The following TBC1D1 variants were observed in gnomAD, a reference collection of about 807,000 sequenced individuals.
The protein encoded by TBC1D1 is TBC1 domain family member 1, also known as TBC1 (tre-2/USP6, BUB2, cdc16) domain family, member 1.
A neutral mutation model predicts 125.6 loss-of-function variants in TBC1D1; 89 were observed. The ratio of observed to expected loss-of-function variants is 0.71; its 90% CI spans 0.60 to 0.85. The LOEUF (loss-of-function observed/expected upper bound fraction) is 0.85. Ranked by LOEUF, TBC1D1 falls within the 40% of genes least tolerant of loss-of-function variation. The pLI is 0.00. For missense variants in TBC1D1, 1,377 were observed against 1,469.2 expected (o/e 0.94, Z 1.03); for synonymous variants, 565 against 564.1 (o/e 1.00, Z -0.02).
intron 3 of TBC1D1, among the ~76,000 whole-genome samples, chr4:38,016,803 T>C (rs1742830493): frequency 6.6e-6 from 1 of 152,204 alleles, no homozygotes; most frequent in Admixed American, 6.5e-5. Flanking sequence ...CACAACTTTA[T>C]GGGTCTTGGT....
intron 2 of TBC1D1, among the ~76,000 whole-genome samples, chr4:37,991,080 G>A (rs564003584): frequency 4.6e-5 from 7 of 152,202 alleles, no homozygotes; most frequent in African/African-American, 1.4e-4. Context: ...GGGGGAAGGT[G>A]GTGAAGGCAG....
chr4:37,996,243 G>A (rs1394492543), intron 2 of TBC1D1: 2 of 277,586 alleles, frequency 7.2e-6, no homozygotes, highest in Non-Finnish European at 1.5e-5. Context: ...CTTCTGGCCA[G>A]TCGCCCGGGC....
At position 37,999,479 on chromosome 4, in the gene TBC1D1, C is replaced by T. The variant is rs1444645939; in HGVS notation, c.418-15030C>T. Among the ~76,000 whole-genome samples the T allele has an allele frequency of 3.3e-5, 5 of 152,130 alleles. No individual in the cohort carries two copies. The East Asian group carries it at 5.8e-4, about 18-fold the overall frequency. On this transcript the variant is annotated intron_variant, in intron 2 of 19. Coordinates refer to ENST00000261439, the MANE Select transcript of TBC1D1 (RefSeq NM_015173.4). ...TTAAGCAAATACTCTGATGTAGGCC[C>T]GCAAAGTACACAGAAACGAATCAAA...
intron 12 of TBC1D1, among the ~76,000 whole-genome samples, chr4:38,084,847 G>A (rs543479173): frequency 5.1e-4 from 78 of 152,032 alleles, no homozygotes; most frequent in Middle Eastern, 3.4e-3. Flanking sequence ...CTGTCTACTC[G>A]TTTCCTTCTA....
rs114706225 is a variant in TBC1D1, at chr4:37,911,042, T to C, written c.417+8530T>C. On this transcript the variant is annotated intron_variant, in intron 2 of 19. Coordinates refer to ENST00000261439, the MANE Select transcript of TBC1D1 (RefSeq NM_015173.4). ...TAGCTTGCATTCTGTCTCTTCCTGT[T>C]AGCCATGGACTAGACTAGCTTCCTA... Among the ~76,000 whole-genome samples, 315 of 151,940 alleles carry C rather than the reference T, an allele frequency of 2.1e-3. 3 individuals carry two copies. The highest frequency in any genetic ancestry group is 7.3e-3 in the African/African-American group (303 of 41,436).
intron 13 of TBC1D1, among the ~76,000 whole-genome samples, chr4:38,093,559 T>A (rs1156309146): frequency 6.7e-6 from 1 of 148,650 alleles, no homozygotes; most frequent in Non-Finnish European, 1.5e-5. Flanking sequence ...AGTTTTGCTC[T>A]TGTTGCTTAG....
At chr4:37,894,459 T>G (rs974052154) in intron 1 of TBC1D1, among the ~76,000 whole-genome samples, 1 of 152,190 alleles carries the variant, frequency 6.6e-6, no homozygotes, top group African/African-American at 2.4e-5. Context: ...AGGAAATACA[T>G]TTTAGAACCA....
chr4:37,995,145 A>G lies in TBC1D1; in HGVS notation c.418-19364A>G, dbSNP rs1019001162. On this transcript the variant is annotated intron_variant, in intron 2 of 19. Coordinates refer to ENST00000261439, the MANE Select transcript of TBC1D1 (RefSeq NM_015173.4). The surrounding 1 kb of genome is among the most constrained non-coding windows in gnomAD (Gnocchi z 4.3). ...GTTTGTTTCCTTCGATACTGACACAACAGCCCTCGGGAAACTGACCTGGAG... is the reference window on the plus strand; with the variant it reads ...GTTTGTTTCCTTCGATACTGACACAGCAGCCCTCGGGAAACTGACCTGGAG... Among the ~76,000 whole-genome samples, 1 of 152,220 alleles carries G rather than the reference A, an allele frequency of 6.6e-6. No individual in the cohort carries two copies. Among genetic ancestry groups the G allele is most frequent in the Non-Finnish European group, 1.5e-5 (1 of 68,040 alleles).
intron 2 of TBC1D1, chr4:37,960,584 C>G (rs141565302): frequency 6.2e-7 from 1 of 1,614,006 alleles, no homozygotes; most frequent in Non-Finnish European, 8.5e-7. Flanking sequence ...GCAAAACATA[C>G]GATGCTCCAT....
At chr4:37,912,593 C>T (rs547110874) in intron 2 of TBC1D1, among the ~76,000 whole-genome samples, 3 of 152,162 alleles carry the variant, frequency 2.0e-5, no homozygotes, top group East Asian at 3.8e-4. Flanking sequence ...TGAAAGTTAA[C>T]GACCAATGTA....
At chr4:37,918,043 C>T (rs1042520917) in intron 2 of TBC1D1, among the ~76,000 whole-genome samples, 1 of 152,114 alleles carries the variant, frequency 6.6e-6, no homozygotes, top group African/African-American at 2.4e-5. Flanking sequence ...GCAGAGATTA[C>T]ATTTTAATTA....
intron 6 of TBC1D1, among the ~76,000 whole-genome samples, chr4:38,024,518 TC>T (rs1744687459): frequency 6.6e-6 from 1 of 152,220 alleles, no homozygotes; most frequent in African/African-American, 2.4e-5. Flanking sequence ...GATCCATCTA[TC>T]ACCTGATAAA....
At chr4:38,008,192 C>T (rs1560608570) in intron 2 of TBC1D1, among the ~76,000 whole-genome samples, 1 of 152,202 alleles carries the variant, frequency 6.6e-6, no homozygotes, top group African/African-American at 2.4e-5. Context: ...GCTGGCCACC[C>T]AACATTTTAA....
chr4:37,960,639 A>G, intron 2 of TBC1D1: 7 of 1,614,230 alleles, frequency 4.3e-6, no homozygotes, highest in Non-Finnish European at 5.9e-6. Context: ...CACTGTCAAC[A>G]GAGCTACAGA....
At chr4:37,981,174 C>T (rs940739471) in intron 2 of TBC1D1, among the ~76,000 whole-genome samples, 1 of 152,120 alleles carries the variant, frequency 6.6e-6, no homozygotes, top group Non-Finnish European at 1.5e-5. Flanking sequence ...AACTCCTGAC[C>T]TCAAGTGATC....
intron 2 of TBC1D1, among the ~76,000 whole-genome samples, chr4:37,954,929 C>G (rs962426300): frequency 1.6e-5 from 2 of 127,976 alleles, no homozygotes; most frequent in African/African-American, 6.1e-5. Flanking sequence ...CTCTGTCGTC[C>G]AGGCTGGAGT....
At chr4:37,921,109 CAAAAAAAAAAAAAAAA>C (rs1188232681) in intron 2 of TBC1D1, among the ~76,000 whole-genome samples, 5 of 71,988 alleles carry the variant, frequency 6.9e-5, no homozygotes, top group African/African-American at 2.9e-4. Flanking sequence ...GACTCCGTCT[CAAAAAAAAAAAAAAAA>C]AAAAAAAAAG....
Position 38,111,840 on chromosome 4 carries a change from A to G in TBC1D1, c.2558-3870A>G, listed in dbSNP as rs897997891. On this transcript the variant is annotated intron_variant, in intron 15 of 19. Coordinates refer to ENST00000261439, the MANE Select transcript of TBC1D1 (RefSeq NM_015173.4). ...TCGTGTAAAACGTGGACTGTGTTAC[A>G]AAGTCAGATGGGTGCAGTTGTCCTG... The G allele has an allele frequency of 5.9e-5, 41 of 690,106 alleles. No individual in the cohort carries two copies. The African/African-American group carries it at 7.8e-4, about 13-fold the overall frequency. 42.7% of individuals were successfully genotyped at this position (690,106 alleles called of 1,614,324 possible).
chr4:37,950,147 G>A (rs915454858), intron 2 of TBC1D1, among the ~76,000 whole-genome samples: 2 of 152,140 alleles, frequency 1.3e-5, no homozygotes, highest in African/African-American at 4.8e-5. Flanking sequence ...TATTACACCA[G>A]GCTGAGAATA....
Sources: allele counts gnomAD v4.1 joint callset (sites outside exome capture counted in the v4.1 genomes callset), GRCh38; gene constraint gnomAD v4.1.1; non-coding constraint Gnocchi (gnomAD v3.1); transcripts MANE v1.5; gene names NCBI Gene and HGNC (gene_info 2026-07-23, HGNC 2026-07-21).